RAD1: variants seen among roughly 807,000 people sequenced by gnomAD.
RAD1 encodes RAD1 checkpoint DNA exonuclease.
Under a neutral mutation model 30.0 loss-of-function variants are expected in RAD1, and 21 were observed. That is an observed-to-expected ratio of 0.70 (90% CI 0.50 to 1.01). The LOEUF is 1.01. Ranked by LOEUF, RAD1 falls within the 50% of genes least tolerant of loss-of-function variation. RAD1 has a pLI of 0.00. For synonymous variants in RAD1, 109 were observed against 113.6 expected (o/e 0.96, Z 0.26); for missense variants, 329 against 329.0 (o/e 1.00, Z 0.00).
rs773247500 is a variant in RAD1, at chr5:34,908,786, T to A, written c.828A>T (p.Glu276Asp). Residue 276 changes from glutamate (E) to aspartate (D), a missense_variant, in exon 6 of 6, where the codon GAA (glutamate) becomes GAT (aspartate). Glu to Asp is a conservative substitution (Grantham distance 45). Coordinates refer to ENST00000382038, the MANE Select transcript of RAD1 (RefSeq NM_002853.4). ...ATACTCAAGACTCAGATTCAGGAACTTCTTCATCAGGGCAGCAGTAATATT... is the reference window on the plus strand; with the variant it reads ...ATACTCAAGACTCAGATTCAGGAACATCTTCATCAGGGCAGCAGTAATATT... The part of the protein sequence containing the change: ...FVEYYCCPDE[E>D]VPESES The A allele has an allele frequency of 1.6e-5, 25 of 1,603,374 alleles. No individual in the cohort carries two copies. Among genetic ancestry groups the A allele is most frequent in the Non-Finnish European group, 2.1e-5 (25 of 1,177,064 alleles).
In RAD1 at chr5:34,907,490, A is replaced by AT. The variant is rs1177259089; in HGVS notation, c.*1274dup. ...ACAGAAGCTTCACTTTACTCATGTA[A>AT]TTTTTTCTACTAGACAGGAAGATAA... is the stretch of plus-strand genomic sequence containing the variant. On this transcript the variant is annotated 3_prime_UTR_variant, in exon 6 of 6. Transcript: ENST00000382038. 2 of 152,054 alleles carry AT rather than the reference A, an allele frequency of 1.3e-5. No homozygotes were observed. The highest frequency in any genetic ancestry group is 1.9e-4 in the East Asian group (1 of 5,188). 9.4% of individuals were successfully genotyped at this position (152,054 alleles called of 1,614,324 possible).
In RAD1 at chr5:34,908,946, T is replaced by G. The variant is rs1763744141; in HGVS notation, c.668A>C (p.Tyr223Ser). 1 of 1,602,752 alleles carries G rather than the reference T, an allele frequency of 6.2e-7. No homozygotes were observed. The highest frequency in any genetic ancestry group is 8.5e-7 in the Non-Finnish European group (1 of 1,176,366). ...FHCNQTQVNR[Y>S]KISLLKPSTK... ...AGAGGGTTTCAGTAAGGAAATCTTG[T>G]ATCTGTAGAAGAAAAAATAAAACGC... Residue 223 changes from tyrosine (Y) to serine (S), a missense_variant and splice_region_variant, in exon 6 of 6, where the codon TAC becomes TCC. Tyr to Ser is a moderately radical substitution (Grantham distance 144, BLOSUM62 -2). Transcript: ENST00000382038.
chr5:34,910,057 G>A lies in RAD1; in HGVS notation c.567-701C>T, dbSNP rs548266065. On this transcript the variant is annotated intron_variant, in intron 4 of 5. Coordinates refer to ENST00000382038, the MANE Select transcript of RAD1 (RefSeq NM_002853.4). ...ACCCGTCTCATCCATACCCAGCCAT[G>A]ATGATGGTTCCCAAATCTAAATTTC... Among the ~76,000 whole-genome samples the A allele has an allele frequency of 2.1e-4, 32 of 152,166 alleles. 1 individual carries two copies. The South Asian group carries it at 6.4e-3, about 31-fold the overall frequency.
intron 2 of RAD1, 155 bp downstream of exon 2, chr5:34,914,540 A>C (rs1763976011): frequency 1.4e-6 from 1 of 731,884 alleles, no homozygotes; most frequent in East Asian, 2.7e-5. Flanking sequence ...TTTGTTCTCT[A>C]ACTTAAGACT....
chr5:34,908,840 T>G lies in RAD1; in HGVS notation c.774A>C (p.Arg258Ser). 6.2e-7 allele frequency: 1 copy of G among 1,613,128 alleles called. No individual in the cohort carries two copies. Among genetic ancestry groups the G allele is most frequent in the Non-Finnish European group, 8.5e-7 (1 of 1,179,376 alleles). ...RGFLSLQYMI[R>S]NEDGQICFVE... ...CAAAACATATTTGTCCATCTTCATT[T>G]CTAATCATATACTGTAATGAAAGGA... Residue 258 changes from arginine to serine, a missense_variant, in exon 6 of 6, where the codon AGA becomes AGC. Coordinates refer to ENST00000382038, the MANE Select transcript of RAD1 (RefSeq NM_002853.4).
rs1319264813 is a variant in RAD1, at chr5:34,905,820, G to T, written c.*2945C>A. The T allele has an allele frequency of 1.3e-5, 2 of 151,528 alleles. No homozygotes were observed. Among genetic ancestry groups the T allele is most frequent in the Admixed American group, 1.3e-4 (2 of 15,218 alleles). 9.4% of individuals were successfully genotyped at this position (151,528 alleles called of 1,614,324 possible). A position where few individuals can be genotyped will look rare whatever the true frequency, so the allele number is the denominator to read the frequency against. ...ACTTTTATTAAAGTAAAAATTCCTG[G>T]GTCAATTAGAACACAAATAAGGAGG... is the stretch of plus-strand genomic sequence containing the variant. On this transcript the variant is annotated 3_prime_UTR_variant, in exon 6 of 6. Transcript: ENST00000382038.
chr5:34,914,669 A>G (rs1763981352), intron 2 of RAD1, 26 bp downstream of exon 2: 1 of 1,610,424 alleles, frequency 6.2e-7, no homozygotes, highest in African/African-American at 1.3e-5. Flanking sequence ...TCTATGGCAC[A>G]GGCTTAAAGG....
In RAD1 at chr5:34,915,071, C is replaced by T. The variant is rs569071803; in HGVS notation, c.-69-110G>A. 6.6e-6 allele frequency: 4 copies of T among 606,354 alleles called. No individual in the cohort carries two copies. In the East Asian group the frequency reaches 8.3e-5, roughly 13 times the overall value. The allele number at this position is 606,354 out of a possible 1,614,324, so 37.6% of individuals were successfully genotyped here. On this transcript the variant is annotated intron_variant, in intron 1 of 5. Transcript: ENST00000382038. The stretch of plus-strand genomic sequence containing the variant: ...GGAGGCTGAACACGGCTGACCAGGC[C>T]GAACCCCACCTATGTCACTTAACTA...
Position 34,905,546 on chromosome 5 carries a change from C to T in RAD1, c.*3219G>A, listed in dbSNP as rs41268181. On this transcript the variant is annotated 3_prime_UTR_variant, in exon 6 of 6. Coordinates refer to ENST00000382038, the MANE Select transcript of RAD1 (RefSeq NM_002853.4). ...TATTTTGAAGCATTTCATCAATTCT[C>T]GGTGGAAGCACTACATCATCGAATG... The T allele has an allele frequency of 4.0e-5, 6 of 151,078 alleles. No individual in the cohort carries two copies. Among genetic ancestry groups the T allele is most frequent in the East Asian group, 3.9e-4 (2 of 5,122 alleles). The allele number at this position is 151,078 out of a possible 1,614,324, so 9.4% of individuals were successfully genotyped here. A position where few individuals can be genotyped will look rare whatever the true frequency, so the allele number is the denominator to read the frequency against.
intron 2 of RAD1, chr5:34,914,478 G>C: frequency 1.8e-6 from 1 of 567,602 alleles, no homozygotes; most frequent in Non-Finnish European, 3.1e-6. Context: ...TGTAAAACAA[G>C]ATGGGAAAAG....
intron 2 of RAD1, 167 bp downstream of exon 2, chr5:34,914,528 G>C (rs182037472): frequency 1.5e-6 from 1 of 686,580 alleles, no homozygotes; most frequent in African/African-American, 1.8e-5. Context: ...AAGTAATGAC[G>C]TTTTGTTCTC....
chr5:34,911,930 A>G (rs1483387823), intron 3 of RAD1, 118 bp from the exon 4 acceptor site: 1 of 1,180,392 alleles, frequency 8.5e-7, no homozygotes, highest in East Asian at 2.4e-5. Flanking sequence ...TCTCACATAT[A>G]TGTATCTCCT....
chr5:34,913,671 C>A, intron 2 of RAD1, 93 bp from the exon 3 acceptor site: 1 of 704,516 alleles, frequency 1.4e-6, no homozygotes, highest in Non-Finnish European at 2.4e-6. Context: ...TTAAAAAATA[C>A]AATACTGTGC....
At position 34,914,841 on chromosome 5, in the gene RAD1, CA is replaced by C. The variant is rs748203518; in HGVS notation, c.51del (p.Val18TrpfsTer14). The C allele has an allele frequency of 6.2e-7, 1 of 1,614,052 alleles. No individual in the cohort carries two copies. The highest frequency in any genetic ancestry group is 1.3e-5 in the African/African-American group (1 of 74,926). ...QIQDEDDQYS[L>X]VASLDNVRNL... is the part of the protein sequence containing the mutation. ...TTCCTAACGTTGTCAAGGCTGGCCA[CA>C]AGGCTGTACTGATCATCCTCGTCTT... On this transcript the variant is annotated frameshift_variant, in exon 2 of 6. Transcript: ENST00000382038. LOFTEE classifies it high-confidence loss of function.
At chr5:34,914,176 C>A in intron 2 of RAD1, 3 of 313,356 alleles carry the variant, frequency 9.6e-6, no homozygotes, top group Non-Finnish European at 1.3e-5. Context: ...CTATTACAAC[C>A]AGTAAAGGAA....
At chr5:34,915,099 T>C (rs1378104402) in intron 1 of RAD1, 138 bp from the exon 2 acceptor site, 1 of 576,268 alleles carries the variant, frequency 1.7e-6, no homozygotes. Context: ...CTTAACTATC[T>C]TTGTAATTCT....
At chr5:34,910,143 G>A (rs2111935487) in intron 4 of RAD1, among the ~76,000 whole-genome samples, 1 of 152,078 alleles carries the variant, frequency 6.6e-6, no homozygotes, top group Middle Eastern at 3.4e-3. Context: ...TAGTGTCGCA[G>A]GTACTTAAAA....
intron 2 of RAD1, chr5:34,913,906 C>T (rs992482230): frequency 1.3e-5 from 6 of 452,358 alleles, no homozygotes; most frequent in African/African-American, 6.0e-5. Flanking sequence ...TTTATTGATA[C>T]GGGGGTCTCA....
In RAD1 at chr5:34,914,853, G is replaced by A. The variant is rs1322488629; in HGVS notation, c.40C>T (p.Gln14Ter). ...LTQQIQDEDD[Q>*]YSLVASLDNV... The stretch of plus-strand genomic sequence containing the variant: ...TCAAGGCTGGCCACAAGGCTGTACT[G>A]ATCATCCTCGTCTTGGATCTGTTGG... Residue 14 changes from glutamine to a stop codon, truncating the protein, a stop_gained, in exon 2 of 6, where the codon CAG becomes TAG. Transcript: ENST00000382038. LOFTEE classifies it high-confidence loss of function. The A allele has an allele frequency of 6.2e-7, 1 of 1,614,032 alleles. No individual in the cohort carries two copies. The highest frequency in any genetic ancestry group is 8.5e-7 in the Non-Finnish European group (1 of 1,180,056).
Sources: gnomAD v4.1 joint callset for allele counts (sites outside exome capture counted in the v4.1 genomes callset) on GRCh38, gnomAD v4.1.1 for gene constraint, MANE v1.5 for transcripts, NCBI Gene and HGNC (gene_info 2026-07-23, HGNC 2026-07-21) for gene names.